Variants in FARS2 observed in about 807,000 individuals in gnomAD.
FARS2 encodes the protein phenylalanyl-tRNA synthetase 2, mitochondrial.
A neutral mutation model predicts 46.4 loss-of-function variants in FARS2; 40 were observed. That is an observed-to-expected ratio of 0.86 (90% CI 0.67 to 1.12). The LOEUF (loss-of-function observed/expected upper bound fraction) is 1.12, where lower values mean the gene tolerates loss of function less well. Ranked by LOEUF, FARS2 falls within the 50% of genes most tolerant of loss-of-function variation. FARS2 has a pLI of 0.00. For synonymous variants in FARS2, 234 were observed against 214.9 expected (o/e 1.09, Z -0.78); for missense variants, 513 against 567.9 (o/e 0.90, Z 0.98).
At chr6:5,716,594 C>A (rs1419001021) in intron 6 of FARS2, among the ~76,000 whole-genome samples, 1 of 152,212 alleles carries the variant, frequency 6.6e-6, no homozygotes, top group African/African-American at 2.4e-5. Flanking sequence ...ACCTGGAGGG[C>A]CCACAGGTTG....
intron 6 of FARS2, among the ~76,000 whole-genome samples, chr6:5,763,659 G>T (rs1332078644): frequency 6.6e-6 from 1 of 152,024 alleles, no homozygotes; most frequent in Non-Finnish European, 1.5e-5. Flanking sequence ...CTGCCTCCAG[G>T]CCTGTGTCCT....
chr6:5,454,883 A>G (rs1307689374), intron 4 of FARS2, among the ~76,000 whole-genome samples: 1 of 152,136 alleles, frequency 6.6e-6, no homozygotes, highest in Non-Finnish European at 1.5e-5. Flanking sequence ...CTGCCTGGGC[A>G]CATCTGATGA....
rs565144450 is a variant in FARS2 at position 5,428,480 on chromosome 6, A to C, written c.773-2561A>C. ...CTGCTTTTGGTAAAATTCAGGCCAA[A>C]TATCCAAAGCCATGTACACAAAATA... On this transcript the variant is annotated intron_variant, in intron 3 of 6. Coordinates refer to ENST00000274680, the MANE Select transcript of FARS2 (RefSeq NM_006567.5). 9.2e-5 allele frequency among the ~76,000 whole-genome samples: 14 copies of C among 152,326 alleles called. 1 individual carries two copies. Among genetic ancestry groups the C allele is most frequent in the Admixed American group, 6.5e-4 (10 of 15,294 alleles).
At chr6:5,540,432 C>T (rs997837914) in intron 4 of FARS2, among the ~76,000 whole-genome samples, 11 of 152,206 alleles carry the variant, frequency 7.2e-5, no homozygotes, top group African/African-American at 1.7e-4. Flanking sequence ...TTCTTCCGTA[C>T]GCCTTTAGCC....
intron 3 of FARS2, among the ~76,000 whole-genome samples, chr6:5,420,270 A>G (rs1283041766): frequency 6.6e-6 from 1 of 152,096 alleles, no homozygotes; most frequent in Non-Finnish European, 1.5e-5. Flanking sequence ...CAGCCAAACC[A>G]TATCATTCCA....
At chr6:5,631,933 T>A (rs899128201) in intron 6 of FARS2, among the ~76,000 whole-genome samples, 1 of 152,144 alleles carries the variant, frequency 6.6e-6, no homozygotes, top group African/African-American at 2.4e-5. Flanking sequence ...CTGTGAAAAA[T>A]AGCTATTATG....
intron 6 of FARS2, among the ~76,000 whole-genome samples, chr6:5,732,643 G>A (rs897581298): frequency 8.5e-5 from 13 of 152,104 alleles, no homozygotes; most frequent in Non-Finnish European, 1.6e-4. Context: ...GCCAAGGGGC[G>A]GAGCCCGGGA....
At chr6:5,356,834 G>A (rs1440223284) in intron 1 of FARS2, among the ~76,000 whole-genome samples, 1 of 152,130 alleles carries the variant, frequency 6.6e-6, no homozygotes, top group Non-Finnish European at 1.5e-5. Context: ...AGAACGGACG[G>A]CATATGTATT....
Position 5,261,612 on chromosome 6 carries a change from A to G in FARS2, c.-70A>G, listed in dbSNP as rs2753246. On this transcript the variant is annotated 5_prime_UTR_variant, in exon 1 of 7. Transcript: ENST00000274680. ...CCGTGAGAGCGAACGAGCCTGCCGT[A>G]CTTCTGATTTTGAAACACCTGGGTC... The G allele has an allele frequency of 0.36, 54,692 of 152,166 alleles. 11,956 individuals carry two copies. Among genetic ancestry groups the G allele is most frequent in the African/African-American group, 0.62 (25,607 of 41,464 alleles). The allele number at this position is 152,166 out of a possible 1,614,324, so 9.4% of individuals were successfully genotyped here.
chr6:5,366,702 G>A (rs1323674549), intron 1 of FARS2, among the ~76,000 whole-genome samples: 2 of 152,176 alleles, frequency 1.3e-5, no homozygotes, highest in Non-Finnish European at 2.9e-5. Flanking sequence ...GAAAAGCATC[G>A]ACAGCAGCCC....
intron 5 of FARS2, among the ~76,000 whole-genome samples, chr6:5,600,720 A>C: frequency 6.6e-6 from 1 of 152,228 alleles, no homozygotes; most frequent in South Asian, 2.1e-4. Flanking sequence ...CTTATGACTC[A>C]AGATAATTAA....
At chr6:5,298,197 G>T (rs369465777) in intron 1 of FARS2, among the ~76,000 whole-genome samples, 1 of 152,226 alleles carries the variant, frequency 6.6e-6, no homozygotes, top group Admixed American at 6.5e-5. Context: ...GATGATGCTG[G>T]TCTGCTGGGC....
chr6:5,414,434 G>A (rs563911382), intron 3 of FARS2, among the ~76,000 whole-genome samples: 7 of 152,198 alleles, frequency 4.6e-5, no homozygotes, highest in African/African-American at 1.7e-4. Flanking sequence ...TACCCACCAG[G>A]CCTAGGTAAC....
At chr6:5,297,507 C>A (rs990536414) in intron 1 of FARS2, among the ~76,000 whole-genome samples, 2 of 151,988 alleles carry the variant, frequency 1.3e-5, no homozygotes, top group Non-Finnish European at 2.9e-5. Context: ...AATTAGCCGG[C>A]TGTGGTGGTG....
At chr6:5,399,445 G>A (rs1350571839) in intron 2 of FARS2, among the ~76,000 whole-genome samples, 1 of 151,972 alleles carries the variant, frequency 6.6e-6, no homozygotes. Context: ...CAAAGTGCTG[G>A]GATTGCAGGT....
chr6:5,693,400 G>A (rs186310648), intron 6 of FARS2, among the ~76,000 whole-genome samples: 2 of 152,352 alleles, frequency 1.3e-5, no homozygotes, highest in Admixed American at 1.3e-4. Context: ...TGTAGGGAGG[G>A]AGAGATGAAC....
rs536997714 is a variant in FARS2 at position 5,612,103 on chromosome 6, T to A, written c.1066-1066T>A. Among the ~76,000 whole-genome samples, 4 of 151,384 alleles carry A rather than the reference T, an allele frequency of 2.6e-5. 1 individual carries two copies. The South Asian group carries it at 8.3e-4, about 31-fold the overall frequency. On this transcript the variant is annotated intron_variant, in intron 5 of 6. Transcript: ENST00000274680. ...TATTTTGTCAACAGCACCCGGATGC[T>A]AACTATCGTGTTTGTATGAAATGTG... is the stretch of plus-strand genomic sequence containing the variant.
At chr6:5,291,542 A>G (rs1767505659) in intron 1 of FARS2, among the ~76,000 whole-genome samples, 1 of 152,224 alleles carries the variant, frequency 6.6e-6, no homozygotes, top group African/African-American at 2.4e-5. Context: ...CTTACAAAAA[A>G]TAATTATTTA....
At chr6:5,523,772 T>G (rs1367865031) in intron 4 of FARS2, among the ~76,000 whole-genome samples, 1 of 152,222 alleles carries the variant, frequency 6.6e-6, no homozygotes, top group Non-Finnish European at 1.5e-5. Flanking sequence ...TATAGCCTTT[T>G]CCATTTTGTC....
Sources: gnomAD v4.1 joint callset for allele counts (sites outside exome capture counted in the v4.1 genomes callset) on GRCh38, gnomAD v4.1.1 for gene constraint, MANE v1.5 for transcripts, NCBI Gene and HGNC (gene_info 2026-07-23, HGNC 2026-07-21) for gene names.